The following PCCA variants were observed in gnomAD, a reference collection of about 807,000 sequenced individuals.
PCCA encodes propionyl-CoA carboxylase alpha chain, mitochondrial.
A neutral mutation model predicts 101.3 loss-of-function variants in PCCA; 74 were observed. That is an observed-to-expected ratio of 0.73 (90% CI 0.61 to 0.89). The LOEUF is 0.89. Among genes scored for constraint, PCCA ranks in the 40% least tolerant of loss-of-function variants. PCCA has a pLI of 0.00. For synonymous variants in PCCA, 294 were observed against 313.6 expected (o/e 0.94, Z 0.66); for missense variants, 891 against 907.0 (o/e 0.98, Z 0.23).
chr13:100,191,306 G>T (rs1308777963), intron 6 of PCCA, among the ~76,000 whole-genome samples: 7 of 152,164 alleles, frequency 4.6e-5, no homozygotes, highest in South Asian at 2.1e-4. Context: ...AACTATTACT[G>T]TCTCAGGAAT....
chr13:100,329,780 G>C (rs1296233906), intron 16 of PCCA, among the ~76,000 whole-genome samples: 1 of 151,990 alleles, frequency 6.6e-6, no homozygotes, highest in Non-Finnish European at 1.5e-5. Flanking sequence ...AGCCAAACTT[G>C]CACCAAAAAA....
chr13:100,103,028 C>A, intron 2 of PCCA, 68 bp downstream of exon 2: 3 of 1,010,300 alleles, frequency 3.0e-6, no homozygotes, highest in Non-Finnish European at 4.7e-6. Flanking sequence ...CTCGTCTCCA[C>A]ACTGTGTTCA....
chr13:100,325,992 A>G (rs1341526378), intron 16 of PCCA, among the ~76,000 whole-genome samples: 1 of 152,166 alleles, frequency 6.6e-6, no homozygotes, highest in African/African-American at 2.4e-5. Flanking sequence ...CAGGCTCATT[A>G]TACACAGAGC....
At chr13:100,152,668 G>C (rs975954739) in intron 4 of PCCA, among the ~76,000 whole-genome samples, 6 of 152,050 alleles carry the variant, frequency 3.9e-5, no homozygotes, top group African/African-American at 1.2e-4. Context: ...GGATGGTCTC[G>C]GTCTCCTGAC....
chr13:100,213,127 C>T (rs1362604290), intron 7 of PCCA, among the ~76,000 whole-genome samples: 1 of 152,164 alleles, frequency 6.6e-6, no homozygotes, highest in Non-Finnish European at 1.5e-5. Flanking sequence ...TTTTAAAAAT[C>T]CATTCGTCTG....
At chr13:100,211,439 A>G (rs1286711061) in intron 7 of PCCA, among the ~76,000 whole-genome samples, 1 of 152,174 alleles carries the variant, frequency 6.6e-6, no homozygotes, top group African/African-American at 2.4e-5. Context: ...ATCAATATGT[A>G]ATTTTGAATT....
chr13:100,481,415 G>T (rs1031644118), intron 21 of PCCA, among the ~76,000 whole-genome samples: 2 of 152,104 alleles, frequency 1.3e-5, no homozygotes, highest in Non-Finnish European at 1.5e-5. Context: ...AAAATTCACC[G>T]GTCACGGTGG....
At chr13:100,449,353 G>T in intron 21 of PCCA, 48 bp downstream of exon 21, 1 of 1,107,066 alleles carries the variant, frequency 9.0e-7, no homozygotes, top group East Asian at 2.6e-5. Flanking sequence ...GAGAAAAAAT[G>T]TTCAACTAGT....
intron 19 of PCCA, among the ~76,000 whole-genome samples, chr13:100,373,782 C>T (rs927101948): frequency 6.6e-6 from 1 of 152,062 alleles, no homozygotes; most frequent in Non-Finnish European, 1.5e-5. Context: ...GTAAAACATA[C>T]ACAAAACAAA....
In PCCA at chr13:100,339,959, C is replaced by T. The variant is rs571220072; in HGVS notation, c.1541-198C>T. 1.2e-4 allele frequency among the ~76,000 whole-genome samples: 19 copies of T among 152,238 alleles called. No individual in the cohort carries two copies. In the East Asian group the frequency reaches 3.1e-3, roughly 25 times the overall value. On this transcript the variant is annotated intron_variant, in intron 17 of 23. Coordinates refer to ENST00000376285, the MANE Select transcript of PCCA (RefSeq NM_000282.4). ...AACTTCTTTCCCAATATAAACTTCC[C>T]GTGAGCAGGATTTTGTTGTCTTATT...
At chr13:100,135,437 T>G (rs1448965613) in intron 4 of PCCA, among the ~76,000 whole-genome samples, 4 of 152,076 alleles carry the variant, frequency 2.6e-5, no homozygotes, top group Non-Finnish European at 5.9e-5. Context: ...GAGACTCCGT[T>G]ATTGTTTAAA....
At chr13:100,264,774 T>G (rs2062821333) in intron 10 of PCCA, among the ~76,000 whole-genome samples, 1 of 152,168 alleles carries the variant, frequency 6.6e-6, no homozygotes, top group South Asian at 2.1e-4. Context: ...TTTTAGTGGG[T>G]ACTCTGGTTG....
chr13:100,491,910 G>A (rs2084934750), intron 21 of PCCA: 1 of 355,396 alleles, frequency 2.8e-6, no homozygotes, highest in Non-Finnish European at 4.5e-6. Flanking sequence ...GAAAGATCAA[G>A]TGGAAGCACT....
At chr13:100,362,140 T>A (rs1017483701) in intron 18 of PCCA, among the ~76,000 whole-genome samples, 1 of 152,112 alleles carries the variant, frequency 6.6e-6, no homozygotes, top group Non-Finnish European at 1.5e-5. Context: ...AAGCCACAGT[T>A]TTTTTTGGAG....
At chr13:100,304,038 A>G (rs2066271339) in intron 14 of PCCA, among the ~76,000 whole-genome samples, 1 of 152,250 alleles carries the variant, frequency 6.6e-6, no homozygotes, top group East Asian at 1.9e-4. Flanking sequence ...CCATGTTGTA[A>G]TAGCTAACAG....
intron 12 of PCCA, among the ~76,000 whole-genome samples, chr13:100,289,748 A>T (rs1033505026): frequency 6.6e-6 from 1 of 152,082 alleles, no homozygotes; most frequent in Admixed American, 6.6e-5. Context: ...AGTTTCCTTG[A>T]CTTTCCAACA....
intron 1 of PCCA, among the ~76,000 whole-genome samples, chr13:100,093,457 T>G (rs755938182): frequency 1.3e-5 from 2 of 152,190 alleles, no homozygotes; most frequent in Non-Finnish European, 2.9e-5. Flanking sequence ...CAAGAAGTAG[T>G]TAGCATTCAT....
chr13:100,457,586 A>AG (rs2081840840), intron 21 of PCCA, among the ~76,000 whole-genome samples: 1 of 152,192 alleles, frequency 6.6e-6, no homozygotes, highest in South Asian at 2.1e-4. Flanking sequence ...GCATTATAGG[A>AG]GAGGAGCTCT....
At chr13:100,527,610 T>C in intron 22 of PCCA, 65 bp from the exon 23 acceptor site, 1 of 1,089,070 alleles carries the variant, frequency 9.2e-7, no homozygotes, top group Admixed American at 1.7e-5. Flanking sequence ...CTTAATGGCT[T>C]CATTCCTAAG....
Sources: allele counts gnomAD v4.1 joint callset (sites outside exome capture counted in the v4.1 genomes callset), GRCh38; gene constraint gnomAD v4.1.1; transcripts MANE v1.5; gene names NCBI Gene and HGNC (gene_info 2026-07-23, HGNC 2026-07-21).